TAOK3: variants seen among roughly 807,000 people sequenced by gnomAD.
TAOK3 encodes the protein serine/threonine-protein kinase TAO3.
A neutral mutation model predicts 120.4 loss-of-function variants in TAOK3; 40 were observed. That is an observed-to-expected ratio of 0.33 (90% CI 0.26 to 0.43). TAOK3 has a LOEUF of 0.43. TAOK3 is among the 20% of genes least tolerant of loss of function. TAOK3 has a pLI of 1.00. For missense variants in TAOK3, 821 were observed against 1,112.1 expected, an observed-to-expected ratio of 0.74 and a Z score of 3.72; for synonymous variants, 355 against 387.5, an observed-to-expected ratio of 0.92 and a Z score of 0.99.
chr12:118,213,542 C>G (rs2038733529), intron 10 of TAOK3, among the ~76,000 whole-genome samples: 1 of 151,918 alleles, frequency 6.6e-6, no homozygotes, highest in Non-Finnish European at 1.5e-5. Flanking sequence ...ATAAAAATGT[C>G]ATACTTTTCA....
intron 7 of TAOK3, among the ~76,000 whole-genome samples, chr12:118,237,534 A>G (rs1317183416): frequency 6.6e-6 from 1 of 152,114 alleles, no homozygotes; most frequent in African/African-American, 2.4e-5. Flanking sequence ...TTAACATATT[A>G]CTTAAATTCT....
intron 1 of TAOK3, among the ~76,000 whole-genome samples, chr12:118,341,862 A>G (rs1477592108): frequency 2.0e-5 from 3 of 152,258 alleles, no homozygotes; most frequent in East Asian, 3.9e-4. Context: ...AATGTCTACA[A>G]AAAATTAAAA....
intron 14 of TAOK3, among the ~76,000 whole-genome samples, chr12:118,182,597 G>GTATATATATATATA (rs1291003929): frequency 1.4e-4 from 11 of 77,496 alleles, no homozygotes; most frequent in African/African-American, 3.2e-4. Context: ...GTGTGTGTGT[G>GTATATATATATATA]TGTATATATA....
intron 19 of TAOK3, among the ~76,000 whole-genome samples, chr12:118,156,586 T>A (rs990700010): frequency 1.3e-5 from 2 of 152,150 alleles, no homozygotes; most frequent in Non-Finnish European, 2.9e-5. Flanking sequence ...CGAGCTCCTG[T>A]AGTCTACCAG....
chr12:118,189,582 G>GTTTTTTTTTTTT (rs57146377), intron 14 of TAOK3, among the ~76,000 whole-genome samples: 1 of 140,636 alleles, frequency 7.1e-6, no homozygotes. Context: ...ACACACAAAG[G>GTTTTTTTTTTTT]TTTTTTTTTT....
chr12:118,196,777 C>T lies in TAOK3; in HGVS notation c.1194+2274G>A, dbSNP rs117619347. Among the ~76,000 whole-genome samples, 198 of 152,216 alleles carry T rather than the reference C, an allele frequency of 1.3e-3. 4 individuals carry two copies. In the East Asian group the frequency reaches 0.035, roughly 27 times the overall value. ...TTTAATATTTGGTAATTAATTTATT[C>T]CCTGCCTTCTTTTTGGTTTTGTTGG... On this transcript the variant is annotated intron_variant, in intron 13 of 20. Coordinates refer to ENST00000392533, the MANE Select transcript of TAOK3 (RefSeq NM_016281.4).
chr12:118,299,326 CT>C (rs1457953604), intron 1 of TAOK3, among the ~76,000 whole-genome samples: 3 of 151,690 alleles, frequency 2.0e-5, no homozygotes, highest in African/African-American at 7.3e-5. Context: ...CTCATATAAC[CT>C]TTTGCCATTT....
At chr12:118,200,601 A>T (rs1295716791) in intron 12 of TAOK3, 4 of 152,180 alleles carry the variant, frequency 2.6e-5, no homozygotes, top group Non-Finnish European at 5.9e-5. Context: ...TCTCTAACTG[A>T]AAACTTCTAT....
Position 118,296,314 on chromosome 12 carries a change from C to T in TAOK3, c.-193-29555G>A, listed in dbSNP as rs145065653. Among the ~76,000 whole-genome samples, 736 of 152,054 alleles carry T rather than the reference C, an allele frequency of 4.8e-3. 3 individuals carry two copies. Among genetic ancestry groups the T allele is most frequent in the Middle Eastern group, 0.01 (3 of 294 alleles). On this transcript the variant is annotated intron_variant, in intron 1 of 20. Transcript: ENST00000392533. ...GCCCAGCTAATTTTTTTGTATTTTT[C>T]GTAGAGACAGGGTTTCACCATATTA... is the stretch of plus-strand genomic sequence containing the variant.
At chr12:118,311,405 A>G (rs2043256404) in intron 1 of TAOK3, among the ~76,000 whole-genome samples, 1 of 152,102 alleles carries the variant, frequency 6.6e-6, no homozygotes, top group Non-Finnish European at 1.5e-5. Context: ...AGGTTGCAGT[A>G]AGCCAAGGTT....
chr12:118,247,099 T>C, intron 3 of TAOK3: 3 of 510,792 alleles, frequency 5.9e-6, no homozygotes, highest in Non-Finnish European at 1.0e-5. Context: ...GATGGGACAG[T>C]TCTATTTCTA....
chr12:118,159,625 T>C (rs2035087536), intron 19 of TAOK3, among the ~76,000 whole-genome samples: 1 of 152,214 alleles, frequency 6.6e-6, no homozygotes, highest in Admixed American at 6.5e-5. Context: ...TTACTATTAC[T>C]GCTTAATTAT....
In TAOK3 at chr12:118,161,719, G is replaced by T. The variant is rs1271474569; in HGVS notation, c.2139+69C>A. The T allele has an allele frequency of 1.9e-6, 3 of 1,579,828 alleles. No individual in the cohort carries two copies. In the East Asian group the frequency reaches 6.8e-5, roughly 36 times the overall value. On this transcript the variant is annotated intron_variant, in intron 18 of 20. Coordinates refer to ENST00000392533, the MANE Select transcript of TAOK3 (RefSeq NM_016281.4). This position sits in a 1 kb window ranked among gnomAD's most constrained non-coding sequence, Gnocchi z 4.5. Reference sequence around the variant, plus strand: ...TTTGTGATTCTGAAAAGTTGCTCAGGTGACTCTGACACTTCAGGTAGAGAA... The same window carrying T: ...TTTGTGATTCTGAAAAGTTGCTCAGTTGACTCTGACACTTCAGGTAGAGAA...
chr12:118,279,573 CTT>C, intron 1 of TAOK3, among the ~76,000 whole-genome samples: 1 of 145,180 alleles, frequency 6.9e-6, no homozygotes, highest in East Asian at 2.0e-4. Flanking sequence ...TTTAATCCAT[CTT>C]GAGTTGATTT....
At chr12:118,169,225 G>C (rs2138593527) in intron 17 of TAOK3, among the ~76,000 whole-genome samples, 1 of 150,928 alleles carries the variant, frequency 6.6e-6, no homozygotes, top group South Asian at 2.1e-4. Context: ...TGTTGGCCAG[G>C]CTGGTCTCGA....
intron 1 of TAOK3, among the ~76,000 whole-genome samples, chr12:118,347,155 C>T (rs570324899): frequency 2.0e-5 from 3 of 152,274 alleles, no homozygotes; most frequent in African/African-American, 7.2e-5. Context: ...AGACACGTGT[C>T]ACCACACCCA....
At chr12:118,319,205 A>G (rs953970455) in intron 1 of TAOK3, among the ~76,000 whole-genome samples, 7 of 152,164 alleles carry the variant, frequency 4.6e-5, no homozygotes, top group African/African-American at 1.4e-4. Flanking sequence ...GTATACCATA[A>G]ATATAATTTT....
chr12:118,164,966 C>T (rs2035487858), intron 17 of TAOK3, among the ~76,000 whole-genome samples: 1 of 152,068 alleles, frequency 6.6e-6, no homozygotes, highest in Non-Finnish European at 1.5e-5. Context: ...AGTTATTGAG[C>T]ACCTACTATG....
At chr12:118,200,240 A>C (rs2037954466) in intron 12 of TAOK3, 1 of 148,006 alleles carries the variant, frequency 6.8e-6, no homozygotes. Flanking sequence ...AAATACTTTT[A>C]TGTTTATTTT....
Sources: gnomAD v4.1 joint callset for allele counts (sites outside exome capture counted in the v4.1 genomes callset) on GRCh38, gnomAD v4.1.1 for gene constraint, Gnocchi (gnomAD v3.1) non-coding constraint, MANE v1.5 for transcripts, NCBI Gene and HGNC (gene_info 2026-07-23, HGNC 2026-07-21) for gene names.